DNM3: variants seen among roughly 807,000 people sequenced by gnomAD.
DNM3 encodes dynamin-3.
A neutral mutation model predicts 101.6 loss-of-function variants in DNM3; 47 were observed. The ratio of observed to expected loss-of-function variants is 0.46; its 90% CI spans 0.37 to 0.59. The LOEUF (loss-of-function observed/expected upper bound fraction) is 0.59. Ranked by LOEUF, DNM3 falls within the 20% of genes least tolerant of loss-of-function variation. DNM3 has a pLI of 0.00. For synonymous variants in DNM3, 385 were observed against 387.9 expected (o/e 0.99, Z 0.09); for missense variants, 849 against 1,085.7 (o/e 0.78, Z 3.06).
At chr1:172,098,626 G>T (rs2054416366) in intron 13 of DNM3, among the ~76,000 whole-genome samples, 1 of 152,226 alleles carries the variant, frequency 6.6e-6, no homozygotes, top group Non-Finnish European at 1.5e-5. Flanking sequence ...GATTGGGGAA[G>T]TGATAAGTGT....
intron 17 of DNM3, among the ~76,000 whole-genome samples, chr1:172,354,411 C>T (rs764065078): frequency 6.6e-6 from 1 of 151,982 alleles, no homozygotes. Flanking sequence ...CTCCTCCCCA[C>T]TGCAAATAGC....
chr1:172,332,041 A>T (rs987126335), intron 17 of DNM3, among the ~76,000 whole-genome samples: 15 of 152,158 alleles, frequency 9.9e-5, no homozygotes, highest in Non-Finnish European at 1.6e-4. Flanking sequence ...CAAAATCAAA[A>T]AAAAAGCTTA....
intron 1 of DNM3, among the ~76,000 whole-genome samples, chr1:171,851,246 A>G (rs1260974774): frequency 6.6e-6 from 1 of 152,190 alleles, no homozygotes; most frequent in Non-Finnish European, 1.5e-5. Flanking sequence ...CCACGAAGCC[A>G]GGAGCTGTGT....
At chr1:171,841,935 T>C (rs1571199449) in intron 1 of DNM3, 118 bp downstream of exon 1, 1 of 446,002 alleles carries the variant, frequency 2.2e-6, no homozygotes, top group Non-Finnish European at 2.8e-6. Flanking sequence ...TGCGGTGGAA[T>C]GGGGGGCAGA....
chr1:172,298,318 C>T (rs531364030), intron 15 of DNM3, among the ~76,000 whole-genome samples: 8 of 152,140 alleles, frequency 5.3e-5, no homozygotes, highest in Non-Finnish European at 1.0e-4. Context: ...AACTGCTGGA[C>T]GCTTTAAGTG....
intron 2 of DNM3, among the ~76,000 whole-genome samples, chr1:171,957,419 C>A (rs549120120): frequency 1.3e-5 from 2 of 152,012 alleles, no homozygotes; most frequent in Admixed American, 1.3e-4. Flanking sequence ...AGGATGGACT[C>A]GATCTCCTGA....
In DNM3 at chr1:172,325,141, A is replaced by G. The variant is rs77257776; in HGVS notation, c.1893+1801A>G. 6.5e-3 allele frequency among the ~76,000 whole-genome samples: 995 copies of G among 152,308 alleles called. 26 individuals are homozygous for G. The East Asian group carries it at 0.073, about 11-fold the overall frequency. ...GGATCCAAAAAATATTCAGTTTAATACATTTTACTGATTTTCAAGTCACTA... is the reference window on the plus strand; with the variant it reads ...GGATCCAAAAAATATTCAGTTTAATGCATTTTACTGATTTTCAAGTCACTA... On this transcript the variant is annotated intron_variant, in intron 17 of 20. Coordinates refer to ENST00000627582, the MANE Select transcript of DNM3 (RefSeq NM_015569.5).
At chr1:172,081,948 G>T in intron 12 of DNM3, 46 bp downstream of exon 12, 1 of 1,570,134 alleles carries the variant, frequency 6.4e-7, no homozygotes, top group South Asian at 1.1e-5. Flanking sequence ...CTGTTGATTT[G>T]TCTCAAACAC....
intron 13 of DNM3, among the ~76,000 whole-genome samples, chr1:172,106,228 C>T (rs1372266633): frequency 2.0e-5 from 3 of 152,124 alleles, no homozygotes; most frequent in African/African-American, 4.8e-5. Flanking sequence ...TGAGACCAGC[C>T]TGACCAACAT....
intron 2 of DNM3, among the ~76,000 whole-genome samples, chr1:171,977,757 A>G (rs1003315214): frequency 6.6e-6 from 1 of 152,110 alleles, no homozygotes; most frequent in Non-Finnish European, 1.5e-5. Flanking sequence ...CCAATGCATT[A>G]TCTTCTATCT....
intron 2 of DNM3, among the ~76,000 whole-genome samples, chr1:171,972,298 C>G (rs2044051786): frequency 1.3e-5 from 2 of 152,180 alleles, no homozygotes; most frequent in Non-Finnish European, 1.5e-5. Context: ...CTGTAAAGAG[C>G]AAGCACTGGC....
chr1:172,397,410 T>G (rs1381177076), intron 20 of DNM3: 1 of 152,528 alleles, frequency 6.6e-6, no homozygotes, highest in Non-Finnish European at 1.5e-5. Context: ...GAAAGCAGAC[T>G]TATAGTTTTA....
At chr1:171,896,817 A>G (rs2037847944) in intron 1 of DNM3, among the ~76,000 whole-genome samples, 2 of 152,202 alleles carry the variant, frequency 1.3e-5, no homozygotes, top group Admixed American at 1.3e-4. Context: ...AAAGAAGAGT[A>G]GATACTAATT....
At chr1:172,332,585 A>G (rs2066237214) in intron 17 of DNM3, among the ~76,000 whole-genome samples, 1 of 152,164 alleles carries the variant, frequency 6.6e-6, no homozygotes, top group Admixed American at 6.5e-5. Flanking sequence ...CTAGGATTAT[A>G]GGCATGAGCC....
rs543172091 is a variant in DNM3 at position 172,337,823 on chromosome 1, A to G, written c.1893+14483A>G. 1.4e-3 allele frequency among the ~76,000 whole-genome samples: 208 copies of G among 150,766 alleles called. 1 individual carries two copies. The highest frequency in any genetic ancestry group is 2.3e-3 in the Non-Finnish European group (157 of 67,590). Reference sequence around the variant, plus strand: ...CTTCTGAATTGGAATATCTGGGAATATGGCTTGGGAGTATTCATTTTATTT... The same window carrying G: ...CTTCTGAATTGGAATATCTGGGAATGTGGCTTGGGAGTATTCATTTTATTT... On this transcript the variant is annotated intron_variant, in intron 17 of 20. Transcript: ENST00000627582.
At chr1:172,213,151 A>T (rs977997065) in intron 14 of DNM3, among the ~76,000 whole-genome samples, 1 of 152,124 alleles carries the variant, frequency 6.6e-6, no homozygotes, top group African/African-American at 2.4e-5. Flanking sequence ...GAGCAGCAGC[A>T]GTAATAAGTC....
chr1:172,019,719 G>A (rs2047703435), intron 4 of DNM3, among the ~76,000 whole-genome samples: 1 of 151,414 alleles, frequency 6.6e-6, no homozygotes, highest in Non-Finnish European at 1.5e-5. Context: ...GCTCAAGCTT[G>A]GTGATTGTTT....
chr1:172,279,760 A>G (rs1046930872), intron 15 of DNM3, among the ~76,000 whole-genome samples: 4 of 152,170 alleles, frequency 2.6e-5, no homozygotes, highest in Non-Finnish European at 5.9e-5. Flanking sequence ...ATATATATTT[A>G]GAATTCAGCC....
At chr1:172,140,034 T>C (rs2057484101) in intron 14 of DNM3, 1 of 152,050 alleles carries the variant, frequency 6.6e-6, no homozygotes, top group African/African-American at 2.4e-5. Context: ...CCAAGGATTG[T>C]ATAATTAGAC....
Sources: allele counts gnomAD v4.1 joint callset (sites outside exome capture counted in the v4.1 genomes callset), GRCh38; gene constraint gnomAD v4.1.1; transcripts MANE v1.5; gene names NCBI Gene and HGNC (gene_info 2026-07-23, HGNC 2026-07-21).